Variants in PLBD1 observed in about 807,000 individuals in gnomAD.
The protein encoded by PLBD1 is lysosomal leucine aminopeptidase.
PLBD1 carries 60 observed loss-of-function variants against 63.0 expected under a neutral mutation model. The ratio of observed to expected loss-of-function variants is 0.95; its 90% CI spans 0.77 to 1.18. PLBD1 has a LOEUF of 1.18. Among genes scored for constraint, PLBD1 ranks in the 50% most tolerant of loss-of-function variants. The pLI, the probability that PLBD1 is intolerant of heterozygous loss-of-function variation, is 0.00. For synonymous variants in PLBD1, 262 were observed against 248.0 expected, an observed-to-expected ratio of 1.06 and a Z score of -0.53; for missense variants, 598 against 677.9, an observed-to-expected ratio of 0.88 and a Z score of 1.31.
chr12:14,524,412 C>T (rs1035811415), intron 6 of PLBD1, among the ~76,000 whole-genome samples: 1 of 151,860 alleles, frequency 6.6e-6, no homozygotes, highest in Non-Finnish European at 1.5e-5. Flanking sequence ...TCACACTGTC[C>T]CCTATAAATA....
intron 1 of PLBD1, chr12:14,553,718 CT>C: frequency 2.4e-6 from 1 of 419,648 alleles, no homozygotes; most frequent in Non-Finnish European, 4.4e-6. Flanking sequence ...GGAGCTGGAC[CT>C]TACGCCTACT....
chr12:14,528,802 C>A (rs1274983848), intron 6 of PLBD1, among the ~76,000 whole-genome samples: 1 of 152,042 alleles, frequency 6.6e-6, no homozygotes, highest in East Asian at 1.9e-4. Context: ...ACAGATCCTA[C>A]AGACATTAAG....
At position 14,532,205 on chromosome 12, in the gene PLBD1, C is replaced by T. The variant is rs556394950; in HGVS notation, c.844+3454G>A. On this transcript the variant is annotated intron_variant, in intron 6 of 10. Transcript: ENST00000240617. ...AAATCCATCTGGCTTAAGACTGACC[C>T]AAGACAGTAGGAAGTCACATCACCA... Among the ~76,000 whole-genome samples the T allele has an allele frequency of 8.7e-4, 133 of 152,176 alleles. 2 individuals are homozygous for T. In the South Asian group the frequency reaches 0.027, roughly 31 times the overall value.
chr12:14,530,366 C>T (rs1945449539), intron 6 of PLBD1: 1 of 152,164 alleles, frequency 6.6e-6, no homozygotes, highest in South Asian at 2.1e-4. Flanking sequence ...CCACTGTGCC[C>T]TATCTAAATT....
rs778515147 is a variant in PLBD1, at chr12:14,553,229, A to C, written c.299T>G (p.Phe100Cys). The part of the protein sequence containing the change: ...SQTLSNEIIM[F>C]VAGFLEGYLT... ...GTAACCCTCCAAAAAGCCAGCCACAAACATGATGATCTCATTGCTCAGGGT... is the reference window on the plus strand; with the variant it reads ...GTAACCCTCCAAAAAGCCAGCCACACACATGATGATCTCATTGCTCAGGGT... The change falls in exon 2 of 11, where the codon TTT (phenylalanine) becomes TGT (cysteine). Residue 100 changes from phenylalanine (F) to cysteine (C), a missense_variant. Transcript: ENST00000240617. The C allele has an allele frequency of 6.2e-7, 1 of 1,613,898 alleles. No individual in the cohort carries two copies.
At chr12:14,516,953 C>T (rs1244895823) in intron 6 of PLBD1, among the ~76,000 whole-genome samples, 2 of 152,036 alleles carry the variant, frequency 1.3e-5, no homozygotes, top group African/African-American at 2.4e-5. Flanking sequence ...ACACAAGAAT[C>T]GCTTGAACCT....
chr12:14,560,110 T>A (rs1001700140), intron 1 of PLBD1, among the ~76,000 whole-genome samples: 5 of 152,234 alleles, frequency 3.3e-5, no homozygotes, highest in Non-Finnish European at 7.3e-5. Flanking sequence ...TTTGCCTGCC[T>A]TGGCCTCCCA....
In PLBD1 at chr12:14,503,715, C is replaced by A; in HGVS notation, c.*57G>T. The stretch of plus-strand genomic sequence containing the variant: ...CATAATTCTGATGGGAAAAACATAG[C>A]TAAAATAGTGCCTTTGGTATCTTAT... On this transcript the variant is annotated 3_prime_UTR_variant, in exon 11 of 11. Coordinates refer to ENST00000240617, the MANE Select transcript of PLBD1 (RefSeq NM_024829.6). 1 of 1,446,116 alleles carries A rather than the reference C, an allele frequency of 6.9e-7. No individual in the cohort carries two copies. The highest frequency in any genetic ancestry group is 9.5e-7 in the Non-Finnish European group (1 of 1,048,038). 89.6% of individuals were successfully genotyped at this position (1,446,116 alleles called of 1,614,324 possible). A position where few individuals can be genotyped will look rare whatever the true frequency, so the allele number is the denominator to read the frequency against.
chr12:14,531,122 A>T (rs893667114), intron 6 of PLBD1: 1 of 152,386 alleles, frequency 6.6e-6, no homozygotes, highest in South Asian at 2.1e-4. Flanking sequence ...ATGATTTATC[A>T]TTGAAGATTT....
chr12:14,503,805 G>A lies in PLBD1; in HGVS notation c.1629C>T (p.Thr543=). ...TATCAAGTTTCAAAATTGGTTTCAT[G>A]GTAATAAAATCAAAGTTGTAGACCT... is the stretch of plus-strand genomic sequence containing the variant. ...MPEVYNFDFI[T]MKPILKLDIK The change falls in exon 11 of 11, where the codon ACC becomes ACT. Residue 543 remains threonine, a synonymous_variant. Transcript: ENST00000240617. 6.2e-7 allele frequency: 1 copy of A among 1,613,596 alleles called. No individual in the cohort carries two copies. Among genetic ancestry groups the A allele is most frequent in the Non-Finnish European group, 8.5e-7 (1 of 1,179,642 alleles).
chr12:14,566,214 A>AG (rs1945779891), intron 1 of PLBD1, among the ~76,000 whole-genome samples: 1 of 152,228 alleles, frequency 6.6e-6, no homozygotes, highest in Non-Finnish European at 1.5e-5. Flanking sequence ...AGTAGACACC[A>AG]AGGCCACCTC....
rs1945578580 is a variant in PLBD1 at position 14,542,246 on chromosome 12, C to T, written c.381G>A (p.Thr127=). ...HYTNLYPQLI[T]KPSIMDKVQD... is the part of the protein sequence containing the mutation. ...GCACTTTATCCATGATGGAAGGTTT[C>T]GTGATCAGCTGTGGGTAGAGGTTTG... The change falls in exon 3 of 11, where the codon ACG becomes ACA. Residue 127 remains threonine (T), a synonymous_variant. Coordinates refer to ENST00000240617, the MANE Select transcript of PLBD1 (RefSeq NM_024829.6). 5.6e-6 allele frequency: 9 copies of T among 1,611,208 alleles called. No homozygotes were observed. Among genetic ancestry groups the T allele is most frequent in the Admixed American group, 5.0e-5 (3 of 60,018 alleles).
chr12:14,506,415 G>C, intron 9 of PLBD1, 147 bp from the exon 10 acceptor site: 1 of 609,726 alleles, frequency 1.6e-6, no homozygotes, highest in South Asian at 2.2e-5. Flanking sequence ...TCCAGATAGA[G>C]ACATCTCCCT....
Position 14,535,788 on chromosome 12 carries a change from C to T in PLBD1, c.715G>A (p.Glu239Lys). 6.2e-7 allele frequency: 1 copy of T among 1,613,704 alleles called. No individual in the cohort carries two copies. ...SALIKVLPGFENILFAHSSWY... is the reference protein window; with the variant it reads ...SALIKVLPGFKNILFAHSSWY... The stretch of plus-strand genomic sequence containing the variant: ...CTTGAGTGAGCAAAAAGGATGTTCT[C>T]AAATCCAGGAAGAACCTACAGCCAG... The change falls in exon 6 of 11, where the codon GAG becomes AAG. Residue 239 changes from glutamate to lysine, a missense_variant. By Grantham distance (56) the Glu-to-Lys change is moderately conservative (BLOSUM62 1). Coordinates refer to ENST00000240617, the MANE Select transcript of PLBD1 (RefSeq NM_024829.6).
intron 1 of PLBD1, among the ~76,000 whole-genome samples, chr12:14,554,493 TAA>T (rs1173748046): frequency 1.3e-5 from 2 of 152,180 alleles, no homozygotes; most frequent in Non-Finnish European, 1.5e-5. Flanking sequence ...TTACAAAGTT[TAA>T]AGTGTCCACA....
At chr12:14,542,156 T>C in intron 3 of PLBD1, 52 bp downstream of exon 3, 1 of 1,440,410 alleles carries the variant, frequency 6.9e-7, no homozygotes, top group Non-Finnish European at 9.8e-7. Flanking sequence ...AATTACAGAT[T>C]CAGTGCCTCC....
chr12:14,522,757 C>T (rs182383453), intron 6 of PLBD1, among the ~76,000 whole-genome samples: 645 of 152,122 alleles, frequency 4.2e-3, no homozygotes, highest in Non-Finnish European at 7.8e-3. Flanking sequence ...CAAGGACAAA[C>T]CCATGAAGGG....
rs1336910138 is a variant in PLBD1, at chr12:14,511,550, C to A, written c.1006G>T (p.Gly336Cys). Residue 336 changes from glycine to cysteine, a missense_variant, in exon 7 of 11, where the codon GGC becomes TGC. By Grantham distance (159) the Gly-to-Cys change is radical. Transcript: ENST00000240617. The stretch of plus-strand genomic sequence containing the variant: ...GAAAAGATGTCTGCCCACCTCTTGC[C>A]ACTATCTGCCATCATATTGGCCACA... ...VRVANMMADS[G>C]KRWADIFSKY... is the part of the protein sequence containing the mutation. 1 of 1,614,182 alleles carries A rather than the reference C, an allele frequency of 6.2e-7. No individual in the cohort carries two copies. The highest frequency in any genetic ancestry group is 8.5e-7 in the Non-Finnish European group (1 of 1,180,026).
chr12:14,559,596 T>C (rs571096922), intron 1 of PLBD1, among the ~76,000 whole-genome samples: 3 of 152,330 alleles, frequency 2.0e-5, no homozygotes, highest in South Asian at 4.1e-4. Context: ...GAGCAAGAGC[T>C]ATTTGTTGGT....
Sources: allele counts gnomAD v4.1 joint callset (sites outside exome capture counted in the v4.1 genomes callset), GRCh38; gene constraint gnomAD v4.1.1; transcripts MANE v1.5; gene names NCBI Gene and HGNC (gene_info 2026-07-23, HGNC 2026-07-21).